The following CUEDC1 variants were observed in gnomAD, a reference collection of about 807,000 sequenced individuals.
CUEDC1 encodes CUE domain-containing protein 1.
CUEDC1 carries 30 observed loss-of-function variants against 43.7 expected under a neutral mutation model. The ratio of observed to expected loss-of-function variants is 0.69; its 90% CI spans 0.51 to 0.93. The LOEUF is 0.93. Ranked by LOEUF, CUEDC1 falls within the 40% of genes least tolerant of loss-of-function variation. The pLI is 0.00. For missense variants in CUEDC1, 486 were observed against 549.0 expected (o/e 0.89, Z 1.15); for synonymous variants, 223 against 223.6 (o/e 1.00, Z 0.02).
chr17:57,932,367 C>T (rs1051111718), intron 1 of CUEDC1, among the ~76,000 whole-genome samples: 1 of 151,066 alleles, frequency 6.6e-6, no homozygotes, highest in Non-Finnish European at 1.5e-5. Flanking sequence ...GGGCAAATCA[C>T]GAGGTCAGGA....
rs8066051 is a variant in CUEDC1, at chr17:57,869,074, C to G, written c.940+48G>C. 12,375 of 1,598,518 alleles carry G rather than the reference C, an allele frequency of 7.7e-3. 763 individuals carry two copies. The African/African-American group carries it at 0.13, about 17-fold the overall frequency. On this transcript the variant is annotated intron_variant, in intron 7 of 10. Coordinates refer to ENST00000577830, the MANE Select transcript of CUEDC1 (RefSeq NM_001271875.2). ...CCTCACTCCTGGGAGGCCACAGGGC[C>G]TGTCTCAGAAAAGCTGGGGAGGGAA...
At chr17:57,868,357 G>T in intron 7 of CUEDC1, 114 bp from the exon 8 acceptor site, 1 of 905,374 alleles carries the variant, frequency 1.1e-6, no homozygotes. Context: ...GAGGGAGCAG[G>T]GGGCAGGCAA....
chr17:57,867,361 C>A lies in CUEDC1; in HGVS notation c.1089G>T (p.Ala363=). 6.4e-7 allele frequency: 1 copy of A among 1,552,002 alleles called. No individual in the cohort carries two copies. Among genetic ancestry groups the A allele is most frequent in the South Asian group, 1.2e-5 (1 of 84,082 alleles). The part of the protein sequence containing the change: ...ANLLDDVEGH[A]CDEDFRGRRQ... ...ACGACTCCCCTCCAGCCTCACCACA[C>A]GCGTGGCCCTCCACATCATCCAGGA... Residue 363 remains alanine (A), a synonymous_variant, in exon 9 of 11, where the codon GCG becomes GCT. Transcript: ENST00000577830.
rs1402132557 is a variant in CUEDC1 at position 57,954,864 on chromosome 17, G to A, written c.-316+361C>T. The stretch of plus-strand genomic sequence containing the variant: ...GGGAGAGGGGACTCGGGCGAAGCCG[G>A]CTCCGGGAGGCCTCGTCTCCCTTCC... On this transcript the variant is annotated intron_variant, in intron 1 of 10. Transcript: ENST00000577830. The surrounding 1 kb of genome is among the most constrained non-coding windows in gnomAD (Gnocchi z 4.3). Among the ~76,000 whole-genome samples the A allele has an allele frequency of 6.6e-6, 1 of 151,930 alleles. No homozygotes were observed. Among genetic ancestry groups the A allele is most frequent in the African/African-American group, 2.4e-5 (1 of 41,412 alleles).
intron 1 of CUEDC1, among the ~76,000 whole-genome samples, chr17:57,893,110 G>A (rs1304210927): frequency 6.6e-6 from 1 of 152,244 alleles, no homozygotes; most frequent in Non-Finnish European, 1.5e-5. Context: ...AGTGGGGCCA[G>A]AATGAGGTCA....
At chr17:57,923,474 C>T (rs1490068450) in intron 1 of CUEDC1, among the ~76,000 whole-genome samples, 3 of 152,286 alleles carry the variant, frequency 2.0e-5, no homozygotes, top group Admixed American at 6.5e-5. Flanking sequence ...GTAGAGCTGC[C>T]GTCTCAAGAT....
At chr17:57,947,205 A>C (rs1356915913) in intron 1 of CUEDC1, among the ~76,000 whole-genome samples, 1 of 151,426 alleles carries the variant, frequency 6.6e-6, no homozygotes, top group Non-Finnish European at 1.5e-5. Context: ...TTTCTTAATG[A>C]ATAGGGAATC....
intron 1 of CUEDC1, among the ~76,000 whole-genome samples, chr17:57,899,471 G>A (rs554599736): frequency 6.6e-6 from 1 of 152,344 alleles, no homozygotes; most frequent in East Asian, 1.9e-4. Context: ...TCCACATGGT[G>A]CATGTTGCCA....
chr17:57,936,907 G>A (rs1024376713), intron 1 of CUEDC1, among the ~76,000 whole-genome samples: 2 of 149,586 alleles, frequency 1.3e-5, no homozygotes, highest in Non-Finnish European at 3.0e-5. Context: ...TGCAACCTCC[G>A]CCTCCTGGGT....
At chr17:57,920,095 T>G (rs761163103) in intron 1 of CUEDC1, among the ~76,000 whole-genome samples, 3 of 152,210 alleles carry the variant, frequency 2.0e-5, no homozygotes, top group Non-Finnish European at 1.5e-5. Flanking sequence ...GCTTAAAGAC[T>G]TGCTCAACTC....
intron 1 of CUEDC1, among the ~76,000 whole-genome samples, chr17:57,893,134 G>A (rs934925397): frequency 6.6e-6 from 1 of 152,254 alleles, no homozygotes; most frequent in Non-Finnish European, 1.5e-5. Context: ...GACCCTGGGA[G>A]GCTTGTGTAA....
chr17:57,939,854 G>GCACATC (rs1377717541), intron 1 of CUEDC1, among the ~76,000 whole-genome samples: 1 of 152,182 alleles, frequency 6.6e-6, no homozygotes, highest in Non-Finnish European at 1.5e-5. Flanking sequence ...ACCACCTGGT[G>GCACATC]CACATCCACA....
At chr17:57,909,070 A>G (rs542499734) in intron 1 of CUEDC1, among the ~76,000 whole-genome samples, 2 of 152,326 alleles carry the variant, frequency 1.3e-5, no homozygotes, top group African/African-American at 4.8e-5. Context: ...CTACTGTCCA[A>G]TAAGGTAGCC....
In CUEDC1 at chr17:57,954,773, C is replaced by T. The variant is rs1372727316; in HGVS notation, c.-316+452G>A. ...AGCAGGCGCCCCCGCCTGCCGTCGC[C>T]GCCCAGCCTGCGCCCCCAGGCCCGG... On this transcript the variant is annotated intron_variant, in intron 1 of 10. Transcript: ENST00000577830. This position sits in a 1 kb window ranked among gnomAD's most constrained non-coding sequence, Gnocchi z 4.3. 1.3e-5 allele frequency among the ~76,000 whole-genome samples: 2 copies of T among 152,142 alleles called. No homozygotes were observed. Among genetic ancestry groups the T allele is most frequent in the Non-Finnish European group, 2.9e-5 (2 of 67,996 alleles).
At chr17:57,883,440 C>T (rs144034440) in intron 2 of CUEDC1, among the ~76,000 whole-genome samples, 3 of 152,132 alleles carry the variant, frequency 2.0e-5, no homozygotes, top group Admixed American at 6.6e-5. Context: ...GATGACACAT[C>T]GGGCCAGGTG....
chr17:57,902,468 G>A (rs79027959), intron 1 of CUEDC1, among the ~76,000 whole-genome samples: 320 of 152,310 alleles, frequency 2.1e-3, no homozygotes, highest in Non-Finnish European at 3.5e-3. Flanking sequence ...GCCCGGACAC[G>A]GGTTGAATTG....
chr17:57,935,398 C>A (rs1292554139), intron 1 of CUEDC1, among the ~76,000 whole-genome samples: 3 of 145,862 alleles, frequency 2.1e-5, no homozygotes, highest in South Asian at 2.2e-4. Context: ...CACACACACA[C>A]ACACACAAAC....
intron 1 of CUEDC1, among the ~76,000 whole-genome samples, chr17:57,923,685 TG>T (rs1266982000): frequency 1.3e-5 from 2 of 152,220 alleles, no homozygotes; most frequent in African/African-American, 4.8e-5. Flanking sequence ...GCACAGTTGA[TG>T]GGCTCCTGTG....
At chr17:57,908,432 G>A (rs2074550456) in intron 1 of CUEDC1, among the ~76,000 whole-genome samples, 1 of 152,218 alleles carries the variant, frequency 6.6e-6, no homozygotes, top group Non-Finnish European at 1.5e-5. Context: ...GCTGAGAACT[G>A]TGATGCCAAG....
Sources: allele counts gnomAD v4.1 joint callset (sites outside exome capture counted in the v4.1 genomes callset), GRCh38; gene constraint gnomAD v4.1.1; non-coding constraint Gnocchi (gnomAD v3.1); transcripts MANE v1.5; gene names NCBI Gene and HGNC (gene_info 2026-07-23, HGNC 2026-07-21).